MYO18B: variants seen among roughly 807,000 people sequenced by gnomAD.
MYO18B encodes unconventional myosin-XVIIIb.
A neutral mutation model predicts 273.0 loss-of-function variants in MYO18B; 204 were observed. The observed-to-expected ratio is 0.75, with a 90% confidence interval of 0.67 to 0.84. The LOEUF is 0.84. Among genes scored for constraint, MYO18B ranks in the 40% least tolerant of loss-of-function variants. The probability of loss-of-function intolerance (pLI) is 0.00; values close to 1 mark genes in which losing one functional copy is unlikely to be tolerated. For missense variants in MYO18B, 3,212 were observed against 3,287.6 expected (o/e 0.98, Z 0.56); for synonymous variants, 1,330 against 1,305.7 (o/e 1.02, Z -0.40).
intron 15 of MYO18B, among the ~76,000 whole-genome samples, chr22:25,831,124 C>T (rs2089691303): frequency 6.6e-6 from 1 of 152,098 alleles, no homozygotes. Context: ...TTACCATTTT[C>T]CCTTTATTAT....
At chr22:25,938,991 T>C (rs549318188) in intron 34 of MYO18B, among the ~76,000 whole-genome samples, 45 of 152,276 alleles carry the variant, frequency 3.0e-4, no homozygotes, top group Admixed American at 2.0e-4. Context: ...AATTTTTTGC[T>C]CTTTATAGAG....
At chr22:25,881,734 A>G (rs957588161) in intron 25 of MYO18B, among the ~76,000 whole-genome samples, 7 of 152,226 alleles carry the variant, frequency 4.6e-5, no homozygotes, top group African/African-American at 1.7e-4. Context: ...AACAAATGCC[A>G]ACACCTACAG....
At chr22:25,944,384 G>A (rs2092680378) in intron 34 of MYO18B, among the ~76,000 whole-genome samples, 2 of 152,068 alleles carry the variant, frequency 1.3e-5, no homozygotes, top group Admixed American at 1.3e-4. Flanking sequence ...TGTGAGTTGT[G>A]ACCCATCCCT....
chr22:26,057,187 C>T, the MYO18B span, among the ~76,000 whole-genome samples: 1 of 152,064 alleles, frequency 6.6e-6, no homozygotes, highest in African/African-American at 2.4e-5. Flanking sequence ...AGGATGCAGC[C>T]AGCAAACTAA....
chr22:25,985,281 A>G (rs1355737175), intron 39 of MYO18B, among the ~76,000 whole-genome samples: 1 of 152,144 alleles, frequency 6.6e-6, no homozygotes, highest in Non-Finnish European at 1.5e-5. Flanking sequence ...GAATTGCTTG[A>G]ACCTGGGAGG....
intron 11 of MYO18B, among the ~76,000 whole-genome samples, chr22:25,790,793 T>A (rs2087627616): frequency 6.6e-6 from 1 of 152,192 alleles, no homozygotes; most frequent in Admixed American, 6.5e-5. Flanking sequence ...ATGTCTGCCT[T>A]TGGACCCACT....
chr22:26,048,162 G>A, the MYO18B span, among the ~76,000 whole-genome samples: 157 of 152,168 alleles, frequency 1.0e-3, 1 homozygote, highest in Middle Eastern at 0.017. Context: ...TGGTCTGCGC[G>A]TTTTTTTGTT....
intron 15 of MYO18B, among the ~76,000 whole-genome samples, chr22:25,829,522 T>TAA (rs55957728): frequency 0.29 from 40,838 of 139,176 alleles, 6,555 homozygotes; most frequent in Admixed American, 0.36. Flanking sequence ...TCTTTTTTCA[T>TAA]AAAAAAAAAA....
At chr22:25,998,365 G>A (rs986482157) in intron 40 of MYO18B, among the ~76,000 whole-genome samples, 1 of 152,176 alleles carries the variant, frequency 6.6e-6, no homozygotes, top group Non-Finnish European at 1.5e-5. Flanking sequence ...CCTTGGCTAG[G>A]GGGTAAAGGG....
At chr22:25,952,030 A>T (rs1346506102) in intron 37 of MYO18B, among the ~76,000 whole-genome samples, 1 of 152,166 alleles carries the variant, frequency 6.6e-6, no homozygotes, top group Non-Finnish European at 1.5e-5. Context: ...CTTGTTTTCA[A>T]TTGTGAAGGC....
the MYO18B span, among the ~76,000 whole-genome samples, chr22:26,060,749 C>T: frequency 1.3e-5 from 2 of 151,634 alleles, no homozygotes; most frequent in Non-Finnish European, 2.9e-5. Flanking sequence ...TATACATATA[C>T]ACATATACAT....
At chr22:25,983,871 T>C (rs6004864) in intron 39 of MYO18B, among the ~76,000 whole-genome samples, 8,232 of 152,316 alleles carry the variant, frequency 0.054, 266 homozygotes, top group Middle Eastern at 0.075. Flanking sequence ...TCCTTGGCTT[T>C]TTTGTCCAGC....
the MYO18B span, among the ~76,000 whole-genome samples, chr22:26,060,896 C>CAAACAT: frequency 9.6e-6 from 1 of 103,974 alleles, no homozygotes; most frequent in African/African-American, 7.5e-5. Context: ...CACATATACA[C>CAAACAT]ACATATACAC....
At chr22:25,766,708 C>T (rs532864168) in intron 3 of MYO18B, among the ~76,000 whole-genome samples, 1 of 152,236 alleles carries the variant, frequency 6.6e-6, no homozygotes, top group South Asian at 2.1e-4. Context: ...GAGAAGGTGA[C>T]CAGTACAGTT....
intron 39 of MYO18B, among the ~76,000 whole-genome samples, chr22:25,958,331 A>G (rs2092878302): frequency 1.3e-5 from 2 of 152,266 alleles, no homozygotes; most frequent in South Asian, 4.1e-4. Context: ...CTTGGTTGGC[A>G]TTCTGAAGTT....
At chr22:25,758,062 G>A (rs1391915214) in intron 1 of MYO18B, among the ~76,000 whole-genome samples, 2 of 152,190 alleles carry the variant, frequency 1.3e-5, no homozygotes, top group Admixed American at 6.5e-5. Flanking sequence ...TGCCTAGGCT[G>A]GAGTGCAGTG....
intron 33 of MYO18B, among the ~76,000 whole-genome samples, 193 bp downstream of exon 33, chr22:25,911,243 T>C (rs1002060337): frequency 6.6e-6 from 1 of 152,180 alleles, no homozygotes. Context: ...CCATGGGGAA[T>C]AAAGAGAGTG....
At chr22:25,798,148 A>G (rs2088012517) in intron 12 of MYO18B, 51 bp downstream of exon 12, 1 of 1,545,796 alleles carries the variant, frequency 6.5e-7, no homozygotes, top group African/African-American at 1.4e-5. Flanking sequence ...CTCCTTTGGC[A>G]GGTGCCTGAC....
chr22:25,754,622 A>G (rs984972624), intron 1 of MYO18B, among the ~76,000 whole-genome samples: 6 of 152,266 alleles, frequency 3.9e-5, no homozygotes, highest in South Asian at 2.1e-4. Flanking sequence ...CCAAATGTCT[A>G]TGGCCACCTC....
Sources: gnomAD v4.1 joint callset for allele counts (sites outside exome capture counted in the v4.1 genomes callset) on GRCh38, gnomAD v4.1.1 for gene constraint, MANE v1.5 for transcripts, NCBI Gene and HGNC (gene_info 2026-07-23, HGNC 2026-07-21) for gene names.